Variants in SPTA1 observed in about 807,000 individuals in gnomAD.
The protein encoded by SPTA1 is spectrin alpha, erythrocytic 1.
Under a neutral mutation model 324.7 loss-of-function variants are expected in SPTA1, and 177 were observed. The ratio of observed to expected loss-of-function variants is 0.55; its 90% CI spans 0.48 to 0.62. SPTA1 has a LOEUF of 0.62. SPTA1 is among the 20% of genes least tolerant of loss of function. The probability of loss-of-function intolerance (pLI) is 0.00; values close to 1 mark genes in which losing one functional copy is unlikely to be tolerated. For synonymous variants in SPTA1, 1,195 were observed against 1,041.3 expected (o/e 1.15, Z -2.84); for missense variants, 3,162 against 2,883.6 (o/e 1.10, Z -2.21).
At chr1:158,650,735 T>TGTATATA (rs1652362605) in intron 24 of SPTA1, among the ~76,000 whole-genome samples, 1 of 152,208 alleles carries the variant, frequency 6.6e-6, no homozygotes. Flanking sequence ...AATTTAAGAA[T>TGTATATA]TTTAGATCAG....
intron 8 of SPTA1, among the ~76,000 whole-genome samples, chr1:158,675,009 T>C (rs1007729507): frequency 1.3e-5 from 2 of 152,130 alleles, no homozygotes; most frequent in South Asian, 2.1e-4. Context: ...AAACAATACA[T>C]GTTGTTATAT....
At chr1:158,676,758 A>T (rs1203856916) in intron 7 of SPTA1, among the ~76,000 whole-genome samples, 1 of 152,172 alleles carries the variant, frequency 6.6e-6, no homozygotes, top group Admixed American at 6.5e-5. Flanking sequence ...GTAATGCTGG[A>T]TAATTTTCAG....
chr1:158,669,934 C>A, intron 12 of SPTA1, 148 bp from the exon 13 acceptor site: 1 of 762,956 alleles, frequency 1.3e-6, no homozygotes, highest in African/African-American at 1.7e-5. Context: ...ATTCAGGTTT[C>A]TGTTATAAAT....
At chr1:158,646,094 C>G (rs1651980169) in intron 27 of SPTA1, among the ~76,000 whole-genome samples, 1 of 152,144 alleles carries the variant, frequency 6.6e-6, no homozygotes, top group South Asian at 2.1e-4. Flanking sequence ...TCAAGTGAAT[C>G]TAGCACATAT....
At chr1:158,663,839 A>G (rs538880072) in intron 16 of SPTA1, among the ~76,000 whole-genome samples, 7 of 152,314 alleles carry the variant, frequency 4.6e-5, no homozygotes, top group Admixed American at 6.5e-5. Context: ...CATTCTGCAC[A>G]TGTATCCCAG....
At chr1:158,633,859 A>T (rs896076987) in intron 39 of SPTA1, among the ~76,000 whole-genome samples, 2 of 152,096 alleles carry the variant, frequency 1.3e-5, no homozygotes, top group African/African-American at 4.8e-5. Context: ...TATCTTTTGC[A>T]AGTCTAAGCC....
rs1481540865 is a variant in SPTA1, at chr1:158,647,615, G to C, written c.3820C>G (p.Leu1274Val). Residue 1274 changes from leucine to valine, a missense_variant, in exon 27 of 52, where the codon CTG becomes GTG. Physicochemically the swap from Leu to Val is conservative, Grantham distance 32 (BLOSUM62 1). Coordinates refer to ENST00000643759, the MANE Select transcript of SPTA1 (RefSeq NM_003126.4). ...TTACGATCCTTTGTACGCCCCTGCA[G>C]GTCTTCCCAGGCCTCATTCAGCTCC... Reference protein sequence around the residue: ...KMELNEAWEDLQGRTKDRKES... With the variant: ...KMELNEAWEDVQGRTKDRKES... 6.2e-7 allele frequency: 1 copy of C among 1,613,944 alleles called. No individual in the cohort carries two copies. The highest frequency in any genetic ancestry group is 2.2e-5 in the East Asian group (1 of 44,864).
chr1:158,611,804 A>G, intron 51 of SPTA1: 1 of 192,992 alleles, frequency 5.2e-6, no homozygotes, highest in Non-Finnish European at 1.1e-5. Context: ...ACACTGCCAG[A>G]AAGTGGTAGA....
chr1:158,654,408 C>T (rs1238899803), intron 21 of SPTA1, among the ~76,000 whole-genome samples: 1 of 152,156 alleles, frequency 6.6e-6, no homozygotes, highest in Non-Finnish European at 1.5e-5. Flanking sequence ...TTAACTGCAA[C>T]ATTGGGATTA....
At chr1:158,683,663 T>C (rs1654967096) in intron 2 of SPTA1, among the ~76,000 whole-genome samples, 167 bp from the exon 3 acceptor site, 1 of 152,160 alleles carries the variant, frequency 6.6e-6, no homozygotes, top group Non-Finnish European at 1.5e-5. Flanking sequence ...CAGTAAATAC[T>C]GTCCTGAGCT....
At position 158,620,071 on chromosome 1, in the gene SPTA1, T is replaced by A; in HGVS notation, c.6417+99A>T. On this transcript the variant is annotated intron_variant, in intron 44 of 51. Coordinates refer to ENST00000643759, the MANE Select transcript of SPTA1 (RefSeq NM_003126.4). ...CATGACTTCTGTCCCAGTATAGTTA[T>A]TAATAGTGTTCCTTCTATGTCAAAA... The A allele has an allele frequency of 2.8e-6, 4 of 1,428,284 alleles. No homozygotes were observed. The South Asian group carries it at 3.5e-5, about 12-fold the overall frequency. The allele number at this position is 1,428,284 out of a possible 1,614,324, so 88.5% of individuals were successfully genotyped here. A position where few individuals can be genotyped will look rare whatever the true frequency, so the allele number is the denominator to read the frequency against.
At chr1:158,669,814 C>T (rs1460309178) in intron 12 of SPTA1, 28 bp from the exon 13 acceptor site, 2 of 1,609,356 alleles carry the variant, frequency 1.2e-6, no homozygotes, top group Non-Finnish European at 8.5e-7. Context: ...AAAATGAATG[C>T]TTTTCCTTCA....
intron 33 of SPTA1, among the ~76,000 whole-genome samples, chr1:158,641,206 C>A (rs1029184372): frequency 2.6e-5 from 4 of 152,082 alleles, no homozygotes; most frequent in African/African-American, 9.7e-5. Flanking sequence ...CATAAAAACC[C>A]TAGAAGAAAA....
intron 10 of SPTA1, among the ~76,000 whole-genome samples, chr1:158,672,755 C>T (rs1025069675): frequency 9.9e-5 from 15 of 151,948 alleles, no homozygotes; most frequent in African/African-American, 3.4e-4. Flanking sequence ...AGCATGTGCC[C>T]AAGAATTTCC....
At chr1:158,654,566 C>A in intron 21 of SPTA1, 45 bp downstream of exon 21, 2 of 1,613,296 alleles carry the variant, frequency 1.2e-6, no homozygotes, top group East Asian at 2.2e-5. Context: ...AGAGATGGTT[C>A]TGAAAGAGCC....
At chr1:158,634,103 C>A (rs1650883063) in intron 39 of SPTA1, among the ~76,000 whole-genome samples, 1 of 152,174 alleles carries the variant, frequency 6.6e-6, no homozygotes, top group South Asian at 2.1e-4. Context: ...AATTGTGGAA[C>A]TATTTTGTCC....
At position 158,619,352 on chromosome 1, in the gene SPTA1, A is replaced by C; in HGVS notation, c.6418-18T>G. 6.2e-7 allele frequency: 1 copy of C among 1,612,848 alleles called. No homozygotes were observed. Among genetic ancestry groups the C allele is most frequent in the Non-Finnish European group, 8.5e-7 (1 of 1,178,822 alleles). On this transcript the variant is annotated intron_variant, in intron 44 of 51. Coordinates refer to ENST00000643759, the MANE Select transcript of SPTA1 (RefSeq NM_003126.4). ...TCCCGTTCCTAAAACCCCAAATCAC[A>C]GACAACGTGACTGACATCGAAGGCC...
intron 39 of SPTA1, 116 bp from the exon 40 acceptor site, chr1:158,627,839 C>G (rs947271983): frequency 2.0e-5 from 20 of 990,944 alleles, no homozygotes; most frequent in East Asian, 1.0e-4. Flanking sequence ...AATTGGCAGA[C>G]TAGGTGAATG....
rs1649212688 is a variant in SPTA1 at position 158,610,946 on chromosome 1, G to A, written c.*318C>T. ...AAAGAATTACTTTATTCTATAATCG[G>A]AATAAAGCAAAATGATAAAGACGTG... is the stretch of plus-strand genomic sequence containing the variant. On this transcript the variant is annotated 3_prime_UTR_variant, in exon 52 of 52. Coordinates refer to ENST00000643759, the MANE Select transcript of SPTA1 (RefSeq NM_003126.4). 3.7e-6 allele frequency: 1 copy of A among 266,828 alleles called. No individual in the cohort carries two copies. The highest frequency in any genetic ancestry group is 4.9e-5 in the Admixed American group (1 of 20,384). 16.5% of individuals were successfully genotyped at this position (266,828 alleles called of 1,614,324 possible). A position where few individuals can be genotyped will look rare whatever the true frequency, so the allele number is the denominator to read the frequency against.
Sources: allele counts gnomAD v4.1 joint callset (sites outside exome capture counted in the v4.1 genomes callset), GRCh38; gene constraint gnomAD v4.1.1; transcripts MANE v1.5; gene names NCBI Gene and HGNC (gene_info 2026-07-23, HGNC 2026-07-21).